The following PPP3CA variants were observed in gnomAD, a reference collection of about 807,000 sequenced individuals.
PPP3CA encodes protein phosphatase 3 catalytic subunit alpha, also known as CAM-PRP catalytic subunit.
In PPP3CA, 14 loss-of-function variants were observed where a neutral mutation model predicts 66.5. That is an observed-to-expected ratio of 0.21 (90% CI 0.14 to 0.33). The LOEUF is 0.33. Among genes scored for constraint, PPP3CA ranks in the 10% least tolerant of loss-of-function variants. PPP3CA has a pLI of 1.00. For synonymous variants in PPP3CA, 232 were observed against 226.2 expected (o/e 1.03, Z -0.23); for missense variants, 317 against 639.5 (o/e 0.50, Z 5.44).
chr4:101,264,190 A>T (rs548880587), intron 1 of PPP3CA, among the ~76,000 whole-genome samples: 1 of 152,198 alleles, frequency 6.6e-6, no homozygotes, highest in Non-Finnish European at 1.5e-5. Flanking sequence ...AATCATTTTC[A>T]TATCTTTTTC....
At chr4:101,162,056 A>G (rs1273496106) in intron 2 of PPP3CA, among the ~76,000 whole-genome samples, 2 of 152,152 alleles carry the variant, frequency 1.3e-5, no homozygotes, top group East Asian at 1.9e-4. Context: ...CCTGGCCAAC[A>G]TGGCGAAATC....
intron 1 of PPP3CA, among the ~76,000 whole-genome samples, chr4:101,294,824 A>G (rs1728145108): frequency 6.6e-6 from 1 of 152,004 alleles, no homozygotes; most frequent in Non-Finnish European, 1.5e-5. Flanking sequence ...AAATAACTAC[A>G]GACATTGCGA....
At position 101,115,359 on chromosome 4, in the gene PPP3CA, T is replaced by C. The variant is rs376969339; in HGVS notation, c.260-6281A>G. ...GATAAACATGACCAGAACCAAGCAT[T>C]TGCCTTGGATCTTCTATCCAGAGAG... On this transcript the variant is annotated intron_variant, in intron 2 of 13. Coordinates refer to ENST00000394854, the MANE Select transcript of PPP3CA (RefSeq NM_000944.5). Among the ~76,000 whole-genome samples the C allele has an allele frequency of 1.6e-4, 24 of 152,006 alleles. No homozygotes were observed. The East Asian group carries it at 4.3e-3, about 27-fold the overall frequency.
chr4:101,200,830 C>T (rs1036225986), intron 1 of PPP3CA, among the ~76,000 whole-genome samples: 8 of 152,072 alleles, frequency 5.3e-5, no homozygotes, highest in African/African-American at 1.2e-4. Flanking sequence ...AATCATCCAA[C>T]GTCAAAGGAT....
intron 8 of PPP3CA, among the ~76,000 whole-genome samples, chr4:101,070,980 A>G (rs1488853698): frequency 2.6e-5 from 4 of 152,200 alleles, no homozygotes; most frequent in African/African-American, 7.2e-5. Context: ...GAATTCATTT[A>G]TGTTCTAATC....
intron 1 of PPP3CA, among the ~76,000 whole-genome samples, chr4:101,250,870 A>G (rs1467106947): frequency 2.0e-5 from 3 of 152,126 alleles, no homozygotes; most frequent in Non-Finnish European, 4.4e-5. Flanking sequence ...AAAAATTTTA[A>G]AGACAAATAA....
At chr4:101,079,050 T>TA (rs1173343330) in intron 8 of PPP3CA, among the ~76,000 whole-genome samples, 1 of 152,170 alleles carries the variant, frequency 6.6e-6, no homozygotes, top group Non-Finnish European at 1.5e-5. Context: ...AACGGCAATG[T>TA]AAAAGACCGT....
intron 1 of PPP3CA, among the ~76,000 whole-genome samples, chr4:101,262,570 C>T (rs911052624): frequency 6.6e-6 from 1 of 152,062 alleles, no homozygotes; most frequent in Admixed American, 6.6e-5. Context: ...CTAGTTTGAG[C>T]TTCTCATTTT....
intron 1 of PPP3CA, among the ~76,000 whole-genome samples, chr4:101,278,133 A>AAT (rs1727565315): frequency 7.1e-6 from 1 of 140,830 alleles, no homozygotes; most frequent in African/African-American, 3.2e-5. Flanking sequence ...AAAAAAAAAA[A>AAT]AAAAAATAAA....
chr4:101,065,266 G>A (rs1728634119), intron 8 of PPP3CA, among the ~76,000 whole-genome samples: 3 of 152,022 alleles, frequency 2.0e-5, no homozygotes, highest in African/African-American at 7.2e-5. Context: ...TGCTACCAGA[G>A]TTCTAGCTCC....
chr4:101,291,309 A>T (rs1236909737), intron 1 of PPP3CA, among the ~76,000 whole-genome samples: 2 of 152,018 alleles, frequency 1.3e-5, no homozygotes, highest in Non-Finnish European at 2.9e-5. Flanking sequence ...TGTTTAATCC[A>T]CTCTGAGCTA....
chr4:101,230,235 C>T (rs937183072), intron 1 of PPP3CA, among the ~76,000 whole-genome samples: 3 of 151,500 alleles, frequency 2.0e-5, no homozygotes, highest in Non-Finnish European at 3.0e-5. Flanking sequence ...TTCTTCTTTA[C>T]AAATATCTCT....
chr4:101,139,696 G>GTTTTTTTTTTTTTTTTT (rs372257350), intron 2 of PPP3CA, among the ~76,000 whole-genome samples: 14 of 98,406 alleles, frequency 1.4e-4, no homozygotes, highest in East Asian at 6.7e-4. Context: ...TTTTTTTTGT[G>GTTTTTTTTTTTTTTTTT]TTTTTTTTTT....
Position 101,346,807 on chromosome 4 carries a change from C to A in PPP3CA, c.-11G>T. The A allele has an allele frequency of 6.2e-7, 1 of 1,609,342 alleles. No individual in the cohort carries two copies. Among genetic ancestry groups the A allele is most frequent in the Non-Finnish European group, 8.5e-7 (1 of 1,178,318 alleles). ...CTTGGGCTCGGACATCTCCAGCTGC[C>A]GGAGGACAGCGACGCGCTGCTCGTC... is the stretch of plus-strand genomic sequence containing the variant. On this transcript the variant is annotated 5_prime_UTR_variant, in exon 1 of 14. Transcript: ENST00000394854.
intron 1 of PPP3CA, among the ~76,000 whole-genome samples, chr4:101,240,039 T>TGG (rs1252595684): frequency 2.9e-5 from 2 of 70,082 alleles, no homozygotes; most frequent in Non-Finnish European, 8.7e-5. Context: ...GGTTTTTTTT[T>TGG]GGGGGGAGCG....
intron 1 of PPP3CA, among the ~76,000 whole-genome samples, chr4:101,317,944 T>A (rs1027202456): frequency 6.6e-6 from 1 of 152,200 alleles, no homozygotes; most frequent in Non-Finnish European, 1.5e-5. Context: ...CCCTCGGTAT[T>A]TAAAAAATTA....
At chr4:101,288,334 A>G (rs1235537605) in intron 1 of PPP3CA, among the ~76,000 whole-genome samples, 1 of 152,190 alleles carries the variant, frequency 6.6e-6, no homozygotes, top group East Asian at 1.9e-4. Flanking sequence ...GCTTATACAT[A>G]AAGGCCATTT....
intron 1 of PPP3CA, among the ~76,000 whole-genome samples, chr4:101,216,408 T>C (rs560724779): frequency 3.1e-4 from 47 of 152,318 alleles, no homozygotes; most frequent in African/African-American, 1.1e-3. Context: ...CATGGTGTTA[T>C]GAATTATATT....
intron 1 of PPP3CA, among the ~76,000 whole-genome samples, chr4:101,241,404 G>C (rs1726304430): frequency 6.6e-6 from 1 of 152,070 alleles, no homozygotes; most frequent in Non-Finnish European, 1.5e-5. Context: ...AATTACAGGT[G>C]ATATTAATGT....
Sources: allele counts gnomAD v4.1 joint callset (sites outside exome capture counted in the v4.1 genomes callset), GRCh38; gene constraint gnomAD v4.1.1; transcripts MANE v1.5; gene names NCBI Gene and HGNC (gene_info 2026-07-23, HGNC 2026-07-21).